Variants in RIMBP2 observed in about 807,000 individuals in gnomAD.
The protein encoded by RIMBP2 is RIMS-binding protein 2.
Under a neutral mutation model 118.6 loss-of-function variants are expected in RIMBP2, and 48 were observed. That is an observed-to-expected ratio of 0.40 (90% CI 0.32 to 0.51). The LOEUF is 0.51. RIMBP2 is among the 20% of genes least tolerant of loss of function. The probability of loss-of-function intolerance (pLI) is 0.41; values close to 1 mark genes in which losing one functional copy is unlikely to be tolerated. For synonymous variants in RIMBP2, 762 were observed against 742.9 expected (o/e 1.03, Z -0.42); for missense variants, 1,551 against 1,768.3 (o/e 0.88, Z 2.20).
rs533669516 is a variant in RIMBP2 at position 130,640,142 on chromosome 12, A to C, written c.-351-11686T>G. 7.2e-5 allele frequency among the ~76,000 whole-genome samples: 11 copies of C among 152,326 alleles called. No individual in the cohort carries two copies. In the East Asian group the frequency reaches 2.1e-3, roughly 29 times the overall value. On this transcript the variant is annotated intron_variant, in intron 1 of 22. Coordinates refer to ENST00000690449, the MANE Select transcript of RIMBP2 (RefSeq NM_001393629.1). ...TCGATCACAGACATTTCAGCCACCA[A>C]GGAAGATGGGGAACAAACACACCGC...
At chr12:130,606,834 G>A (rs1457042806) in intron 2 of RIMBP2, among the ~76,000 whole-genome samples, 1 of 152,086 alleles carries the variant, frequency 6.6e-6, no homozygotes, top group Non-Finnish European at 1.5e-5. Flanking sequence ...ACAACAAGCA[G>A]TTCCAATTCT....
chr12:130,424,439 G>A lies in RIMBP2; in HGVS notation c.2832C>T (p.Gly944=), dbSNP rs759082049. The change falls in exon 16 of 23, where the codon GGC becomes GGT. Residue 944 remains glycine, a synonymous_variant. Transcript: ENST00000690449. This position sits in a 1 kb window ranked among gnomAD's most constrained non-coding sequence, Gnocchi z 9.8. ...CCCTCCTGCAGGGACAGTGACCAGG[G>A]CCTGGGCTGCACGCGGCCACGGTGT... The part of the protein sequence containing the change: ...FGNTVAACSP[G]PGHCPCRRGP... The A allele has an allele frequency of 3.7e-5, 46 of 1,232,398 alleles. No homozygotes were observed. The highest frequency in any genetic ancestry group is 4.7e-5 in the Non-Finnish European group (46 of 988,060). 76.3% of individuals were successfully genotyped at this position (1,232,398 alleles called of 1,614,324 possible). A position where few individuals can be genotyped will look rare whatever the true frequency, so the allele number is the denominator to read the frequency against.
chr12:130,415,386 A>AT (rs1376722051), intron 17 of RIMBP2, among the ~76,000 whole-genome samples: 1 of 152,228 alleles, frequency 6.6e-6, no homozygotes, highest in East Asian at 1.9e-4. Flanking sequence ...CAATCTAGGC[A>AT]TTGAAAGATG....
chr12:130,456,685 G>C lies in RIMBP2; in HGVS notation c.169C>G (p.Leu57Val). 1 of 1,607,556 alleles carries C rather than the reference G, an allele frequency of 6.2e-7. No individual in the cohort carries two copies. Among genetic ancestry groups the C allele is most frequent in the Non-Finnish European group, 8.5e-7 (1 of 1,175,460 alleles). Residue 57 changes from leucine to valine, a missense_variant, in exon 7 of 23, where the codon CTG becomes GTG. This residue lies in a region of RIMBP2 where 239 missense variants were observed against 256.8 expected (regional missense o/e 0.93). Transcript: ENST00000690449. The part of the protein sequence containing the change: ...VRLLESKVRE[L>V]EEKCRTQSEQ... ...CTTTGAGTCCGGCATTTCTCTTCCA[G>C]CTCTCGAACCTTGGACTGCACGGCA...
intron 4 of RIMBP2, among the ~76,000 whole-genome samples, chr12:130,501,496 C>T (rs1055794592): frequency 9.2e-5 from 14 of 152,342 alleles, no homozygotes; most frequent in African/African-American, 3.4e-4. Flanking sequence ...AAGCACCTTC[C>T]CATGAGACGC....
intron 1 of RIMBP2, among the ~76,000 whole-genome samples, chr12:130,641,572 G>A (rs1279590172): frequency 6.6e-6 from 1 of 152,190 alleles, no homozygotes; most frequent in Non-Finnish European, 1.5e-5. Context: ...CATAACTGCC[G>A]CCCTCAATTC....
intron 4 of RIMBP2, among the ~76,000 whole-genome samples, chr12:130,493,249 C>T (rs2048813375): frequency 6.6e-6 from 1 of 152,136 alleles, no homozygotes; most frequent in Non-Finnish European, 1.5e-5. Context: ...TGTTAGTTCC[C>T]TCCCATTTTC....
chr12:130,508,502 G>A (rs570377422), intron 3 of RIMBP2, among the ~76,000 whole-genome samples: 3 of 151,774 alleles, frequency 2.0e-5, no homozygotes, highest in Admixed American at 6.6e-5. Context: ...ATCTCTACCC[G>A]GCCCTGCCCC....
At chr12:130,477,893 G>T (rs554723863) in intron 5 of RIMBP2, among the ~76,000 whole-genome samples, 19 of 152,344 alleles carry the variant, frequency 1.2e-4, no homozygotes, top group African/African-American at 4.6e-4. Flanking sequence ...GCTGCACTCT[G>T]GCCACAGGGG....
At chr12:130,532,392 T>C (rs1296175914) in intron 2 of RIMBP2, among the ~76,000 whole-genome samples, 66 of 134,574 alleles carry the variant, frequency 4.9e-4, no homozygotes, top group Middle Eastern at 4.2e-3. Context: ...TGCGTGTGTT[T>C]AGCCTCTAGG....
intron 2 of RIMBP2, among the ~76,000 whole-genome samples, chr12:130,564,950 C>G (rs988541879): frequency 2.6e-5 from 4 of 152,304 alleles, no homozygotes; most frequent in Admixed American, 2.6e-4. Flanking sequence ...TGTTTATTAC[C>G]TTGATCACAG....
chr12:130,594,897 G>T (rs1038046483), intron 2 of RIMBP2, among the ~76,000 whole-genome samples: 3 of 152,138 alleles, frequency 2.0e-5, no homozygotes, highest in Admixed American at 6.5e-5. Context: ...AGCAAAGAAG[G>T]CCAAACTATT....
intron 19 of RIMBP2, among the ~76,000 whole-genome samples, chr12:130,411,614 C>G (rs1490304942): frequency 6.6e-6 from 1 of 152,112 alleles, no homozygotes; most frequent in East Asian, 1.9e-4. Flanking sequence ...TTCTTGTATA[C>G]TTTCTGGGTC....
chr12:130,542,605 G>A (rs183874707), intron 2 of RIMBP2, among the ~76,000 whole-genome samples: 5 of 152,276 alleles, frequency 3.3e-5, no homozygotes, highest in East Asian at 1.9e-4. Context: ...TGTACTTATC[G>A]AAAATGATTT....
intron 2 of RIMBP2, among the ~76,000 whole-genome samples, chr12:130,518,730 G>T (rs151110564): frequency 3.3e-4 from 51 of 152,252 alleles, no homozygotes; most frequent in Middle Eastern, 3.4e-3. Flanking sequence ...CCTAGGGTGT[G>T]GTACAGTAAC....
At chr12:130,705,576 G>T (rs546982676) in intron 1 of RIMBP2, among the ~76,000 whole-genome samples, 64 of 152,322 alleles carry the variant, frequency 4.2e-4, no homozygotes, top group African/African-American at 1.5e-3. Flanking sequence ...CCTCACTAAC[G>T]AACAACTCAG....
rs943617103 is a variant in RIMBP2 at position 130,648,781 on chromosome 12, C to G, written c.-351-20325G>C. Among the ~76,000 whole-genome samples, 15 of 144,174 alleles carry G rather than the reference C, an allele frequency of 1.0e-4. 2 individuals carry two copies. Among genetic ancestry groups the G allele is most frequent in the Non-Finnish European group, 2.0e-4 (13 of 63,776 alleles). The allele number at this position is 144,174 out of a possible 152,430, so 94.6% of individuals were successfully genotyped here. A position where few individuals can be genotyped will look rare whatever the true frequency, so the allele number is the denominator to read the frequency against. The stretch of plus-strand genomic sequence containing the variant: ...AAGCGATTCTCGCTCCTCAGCCTCC[C>G]GAGTAGCTGGGATTACAGGCCTGCA... On this transcript the variant is annotated intron_variant, in intron 1 of 22. Transcript: ENST00000690449.
chr12:130,554,019 T>A lies in RIMBP2; in HGVS notation c.-216-36102A>T, dbSNP rs530484145. On this transcript the variant is annotated intron_variant, in intron 2 of 22. Transcript: ENST00000690449. ...ATTCCTAGGTCCAGCAAACATTTAC[T>A]GCAAGCCAACTGTGTTCCGAGTTTG... is the stretch of plus-strand genomic sequence containing the variant. Among the ~76,000 whole-genome samples, 479 of 152,284 alleles carry A rather than the reference T, an allele frequency of 3.1e-3. 4 individuals carry two copies. The highest frequency in any genetic ancestry group is 0.011 in the African/African-American group (446 of 41,568).
At chr12:130,503,243 A>AAT (rs891808342) in intron 4 of RIMBP2, among the ~76,000 whole-genome samples, 10 of 151,564 alleles carry the variant, frequency 6.6e-5, no homozygotes, top group Admixed American at 2.0e-4. Flanking sequence ...AAAAAAAAAA[A>AAT]ATATTATCCG....
Sources: gnomAD v4.1 joint callset for allele counts (sites outside exome capture counted in the v4.1 genomes callset) on GRCh38, gnomAD v4.1.1 for gene constraint, gnomAD v4.1.1 regional missense constraint, Gnocchi (gnomAD v3.1) non-coding constraint, MANE v1.5 for transcripts, NCBI Gene and HGNC (gene_info 2026-07-23, HGNC 2026-07-21) for gene names.